Variants in ADGRL3 observed in about 807,000 individuals in gnomAD.
ADGRL3 encodes the protein calcium-independent alpha-latrotoxin receptor 3.
ADGRL3 carries 62 observed loss-of-function variants against 153.5 expected under a neutral mutation model. The ratio of observed to expected loss-of-function variants is 0.40; its 90% CI spans 0.33 to 0.50. The LOEUF (loss-of-function observed/expected upper bound fraction) is 0.50, where lower values mean the gene tolerates loss of function less well. Ranked by LOEUF, ADGRL3 falls within the 20% of genes least tolerant of loss-of-function variation. The probability of loss-of-function intolerance (pLI) is 0.47; values close to 1 mark genes in which losing one functional copy is unlikely to be tolerated. For missense variants in ADGRL3, 1,641 were observed against 1,859.4 expected, an observed-to-expected ratio of 0.88 and a Z score of 2.16; for synonymous variants, 710 against 672.5, an observed-to-expected ratio of 1.06 and a Z score of -0.86.
chr4:61,391,960 T>C (rs1162550179), intron 2 of ADGRL3, among the ~76,000 whole-genome samples: 1 of 147,686 alleles, frequency 6.8e-6, no homozygotes, highest in Non-Finnish European at 1.5e-5. Flanking sequence ...CCCAGGTTCA[T>C]GCCATTCTCC....
chr4:61,909,975 T>G (rs1458609463), intron 12 of ADGRL3, among the ~76,000 whole-genome samples: 2 of 152,158 alleles, frequency 1.3e-5, no homozygotes, highest in African/African-American at 4.8e-5. Flanking sequence ...TCTATATATA[T>G]TTTGAATTTA....
chr4:61,543,142 AC>A (rs892798818), intron 4 of ADGRL3, among the ~76,000 whole-genome samples: 2 of 78,518 alleles, frequency 2.5e-5, no homozygotes, highest in South Asian at 4.8e-4. Flanking sequence ...CCTCCCCCCC[AC>A]CCCCCCACCT....
chr4:61,899,947 T>C (rs2098654915), intron 11 of ADGRL3, among the ~76,000 whole-genome samples: 1 of 152,110 alleles, frequency 6.6e-6, no homozygotes, highest in South Asian at 2.1e-4. Flanking sequence ...ACTATCACAT[T>C]GAGGATTCAG....
intron 5 of ADGRL3, among the ~76,000 whole-genome samples, chr4:61,658,416 T>C (rs2094500526): frequency 6.6e-6 from 1 of 152,152 alleles, no homozygotes; most frequent in Admixed American, 6.6e-5. Context: ...AATTATTAGC[T>C]GGATAACCTT....
chr4:61,764,296 C>T (rs895808732), intron 8 of ADGRL3, among the ~76,000 whole-genome samples: 3 of 151,904 alleles, frequency 2.0e-5, no homozygotes, highest in East Asian at 1.9e-4. Flanking sequence ...TGGTTGCAGG[C>T]GGGCTGAGTT....
intron 2 of ADGRL3, among the ~76,000 whole-genome samples, chr4:61,476,586 G>A (rs557199937): frequency 1.3e-5 from 2 of 151,676 alleles, no homozygotes; most frequent in East Asian, 2.0e-4. Flanking sequence ...ATGCTACTTG[G>A]TGATCCCAGC....
At position 61,376,086 on chromosome 4, in the gene ADGRL3, A is replaced by T. The variant is rs542812442; in HGVS notation, c.-239-7038A>T. On this transcript the variant is annotated intron_variant, in intron 1 of 26. Coordinates refer to ENST00000683033, the MANE Select transcript of ADGRL3 (RefSeq NM_001387552.1). ...AAATATAAATTATTGTTATATTTTC[A>T]TTACTTGCAAAGCAAACTTCCAATT... Among the ~76,000 whole-genome samples, 351 of 152,234 alleles carry T rather than the reference A, an allele frequency of 2.3e-3. 5 individuals carry two copies. Among genetic ancestry groups the T allele is most frequent in the African/African-American group, 8.1e-3 (336 of 41,558 alleles).
chr4:61,924,879 T>C lies in ADGRL3; in HGVS notation c.2113-9961T>C, dbSNP rs547607586. On this transcript the variant is annotated intron_variant, in intron 13 of 26. Coordinates refer to ENST00000683033, the MANE Select transcript of ADGRL3 (RefSeq NM_001387552.1). ...CTGTCTATTTTCTTTCATTTCACAC[T>C]GTACATTTTACCTTCTAACACTATA... Among the ~76,000 whole-genome samples, 9 of 152,332 alleles carry C rather than the reference T, an allele frequency of 5.9e-5. No homozygotes were observed. In the South Asian group the frequency reaches 1.9e-3, roughly 32 times the overall value.
At chr4:61,647,831 C>T (rs2094091763) in intron 5 of ADGRL3, among the ~76,000 whole-genome samples, 1 of 151,680 alleles carries the variant, frequency 6.6e-6, no homozygotes, top group Non-Finnish European at 1.5e-5. Context: ...ATTTTATTTC[C>T]ACCAGTTTTC....
chr4:61,858,599 A>C (rs2149256205), intron 9 of ADGRL3, among the ~76,000 whole-genome samples: 1 of 152,352 alleles, frequency 6.6e-6, no homozygotes, highest in East Asian at 1.9e-4. Flanking sequence ...CCATCCTGGG[A>C]CACAGATGGA....
At chr4:61,336,239 A>C (rs1198831085) in intron 1 of ADGRL3, among the ~76,000 whole-genome samples, 3 of 152,190 alleles carry the variant, frequency 2.0e-5, no homozygotes, top group Non-Finnish European at 2.9e-5. Flanking sequence ...AAATCCAAAC[A>C]ATTAGTTTCC....
chr4:61,741,616 C>CT (rs1416077593), intron 8 of ADGRL3, among the ~76,000 whole-genome samples: 2 of 152,142 alleles, frequency 1.3e-5, no homozygotes, highest in African/African-American at 2.4e-5. Context: ...TTCTCTTACG[C>CT]TTTTTTTTAA....
chr4:61,497,108 TTC>T lies in ADGRL3; in HGVS notation c.-173-11_-173-10del. 1 of 554,816 alleles carries T rather than the reference TTC, an allele frequency of 1.8e-6. No individual in the cohort carries two copies. The highest frequency in any genetic ancestry group is 2.4e-5 in the South Asian group (1 of 41,478). 34.4% of individuals were successfully genotyped at this position (554,816 alleles called of 1,614,324 possible). ...ATTTTATACAATAACCCTTTTTTTTTTCTTTTTTGCAGGTTTCAGATTTGGGA... is the reference window on the plus strand; with the variant it reads ...ATTTTATACAATAACCCTTTTTTTTTTTTTTTGCAGGTTTCAGATTTGGGA... On this transcript the variant is annotated splice_polypyrimidine_tract_variant and intron_variant, in intron 2 of 26. Transcript: ENST00000683033.
chr4:61,378,798 T>C (rs1051201852), intron 1 of ADGRL3, among the ~76,000 whole-genome samples: 1 of 151,990 alleles, frequency 6.6e-6, no homozygotes, highest in Non-Finnish European at 1.5e-5. Flanking sequence ...AAATGAAGTC[T>C]TAGGTTGTTC....
chr4:61,964,900 G>T (rs1159083596), intron 17 of ADGRL3, among the ~76,000 whole-genome samples: 2 of 151,888 alleles, frequency 1.3e-5, no homozygotes, highest in South Asian at 2.1e-4. Flanking sequence ...ACTGTTCTTG[G>T]TAAGAACTAG....
intron 8 of ADGRL3, among the ~76,000 whole-genome samples, chr4:61,740,983 T>C (rs1002523278): frequency 2.6e-5 from 4 of 152,198 alleles, no homozygotes; most frequent in Non-Finnish European, 5.9e-5. Context: ...AATATGCAAA[T>C]TAAGTGCATT....
rs397993633 is a variant in ADGRL3 at position 61,392,684 on chromosome 4, C to CAAAAAAAAAAAAAAAAAAAAAAA, written c.-174+9517_-174+9518insAAAAAAAAAAAAAAAAAAAAAAA. Among the ~76,000 whole-genome samples the CAAAAAAAAAAAAAAAAAAAAAAA allele has an allele frequency of 1.5e-3, 20 of 13,374 alleles. 1 individual carries two copies. Among genetic ancestry groups the CAAAAAAAAAAAAAAAAAAAAAAA allele is most frequent in the Non-Finnish European group, 1.7e-3 (10 of 5,758 alleles). The allele number at this position is 13,374 out of a possible 152,430, so 8.8% of individuals were successfully genotyped here. ...CTGGTGACAGAGCGAGACTCCATCT[C>CAAAAAAAAAAAAAAAAAAAAAAA]AAAAAAAAAAAAAAAAAAAAAAGAA... On this transcript the variant is annotated intron_variant, in intron 2 of 26. Coordinates refer to ENST00000683033, the MANE Select transcript of ADGRL3 (RefSeq NM_001387552.1).
intron 8 of ADGRL3, among the ~76,000 whole-genome samples, chr4:61,792,493 A>ATT (rs1403872158): frequency 3.6e-5 from 4 of 110,130 alleles, no homozygotes; most frequent in African/African-American, 1.9e-4. Context: ...TATTTATTTT[A>ATT]TTATTTTTTT....
chr4:61,822,196 C>G (rs1179017933), intron 9 of ADGRL3, among the ~76,000 whole-genome samples: 1 of 152,148 alleles, frequency 6.6e-6, no homozygotes, highest in Non-Finnish European at 1.5e-5. Flanking sequence ...AATTAAAACT[C>G]TTTTCCTGTG....
Sources: gnomAD v4.1 joint callset for allele counts (sites outside exome capture counted in the v4.1 genomes callset) on GRCh38, gnomAD v4.1.1 for gene constraint, MANE v1.5 for transcripts, NCBI Gene and HGNC (gene_info 2026-07-23, HGNC 2026-07-21) for gene names.